The following TMEM266 variants were observed in gnomAD, a reference collection of about 807,000 sequenced individuals.
TMEM266 encodes transmembrane protein 266.
In TMEM266, 33 loss-of-function variants were observed where a neutral mutation model predicts 50.5. The ratio of observed to expected loss-of-function variants is 0.65; its 90% confidence interval spans 0.50 to 0.87. The LOEUF (loss-of-function observed/expected upper bound fraction) is 0.87. Ranked by LOEUF, TMEM266 falls within the 40% of genes least tolerant of loss-of-function variation. The pLI, the probability that TMEM266 is intolerant of heterozygous loss-of-function variation, is 0.00. For synonymous variants in TMEM266, 310 were observed against 292.3 expected (o/e 1.06, Z -0.62); for missense variants, 655 against 695.1 (o/e 0.94, Z 0.65).
intron 1 of TMEM266, among the ~76,000 whole-genome samples, chr15:76,079,560 C>T (rs1482002520): frequency 6.7e-6 from 1 of 149,470 alleles, no homozygotes; most frequent in Non-Finnish European, 1.5e-5. Context: ...GAGGCTGAGG[C>T]GGGCAGATCA....
At chr15:76,198,912 G>A (rs2142089172) in intron 9 of TMEM266, among the ~76,000 whole-genome samples, 1 of 152,398 alleles carries the variant, frequency 6.6e-6, no homozygotes, top group Admixed American at 6.5e-5. Flanking sequence ...CCCTGTGTGG[G>A]TCCAGGTCTG....
At chr15:76,169,944 C>G in intron 6 of TMEM266, 72 bp downstream of exon 6, 1 of 1,503,880 alleles carries the variant, frequency 6.6e-7, no homozygotes, top group Non-Finnish European at 9.2e-7. Flanking sequence ...ATGTCCCATC[C>G]ATTCCAGGGT....
chr15:76,148,923 G>T (rs1014920023), intron 3 of TMEM266, among the ~76,000 whole-genome samples: 2 of 152,180 alleles, frequency 1.3e-5, no homozygotes, highest in African/African-American at 4.8e-5. Context: ...GAAGCTGCCG[G>T]TATGGAAACT....
At chr15:76,142,232 T>C (rs1447145836) in intron 3 of TMEM266, among the ~76,000 whole-genome samples, 1 of 152,110 alleles carries the variant, frequency 6.6e-6, no homozygotes, top group Non-Finnish European at 1.5e-5. Flanking sequence ...CTACTAAAAA[T>C]ACAAAAATTA....
chr15:76,119,199 C>T (rs567035738), intron 1 of TMEM266, among the ~76,000 whole-genome samples: 1 of 152,096 alleles, frequency 6.6e-6, no homozygotes, highest in African/African-American at 2.4e-5. Context: ...TCCTAAAATT[C>T]TTCTCCTTTG....
intron 9 of TMEM266, among the ~76,000 whole-genome samples, chr15:76,201,633 TACTGTGTGCAGGA>T (rs963009305): frequency 1.3e-5 from 2 of 152,208 alleles, no homozygotes; most frequent in African/African-American, 4.8e-5. Context: ...ACTGAGTACC[TACTGTGTGCAGGA>T]ACAGTGCAGG....
At chr15:76,159,297 C>A (rs1464157726) in intron 4 of TMEM266, among the ~76,000 whole-genome samples, 1 of 152,220 alleles carries the variant, frequency 6.6e-6, no homozygotes, top group Non-Finnish European at 1.5e-5. Context: ...CATGCCATGC[C>A]AGGGTTCAAA....
chr15:76,190,785 C>T (rs576662289), intron 8 of TMEM266, among the ~76,000 whole-genome samples: 1 of 152,216 alleles, frequency 6.6e-6, no homozygotes, highest in East Asian at 1.9e-4. Context: ...TCTGACACCC[C>T]AGTTTGAGGG....
chr15:76,131,365 ACT>A (rs1217226182), intron 1 of TMEM266, among the ~76,000 whole-genome samples: 1 of 152,200 alleles, frequency 6.6e-6, no homozygotes, highest in Non-Finnish European at 1.5e-5. Context: ...CAAGAGCGAA[ACT>A]CTGTCTCAAA....
At chr15:76,095,464 C>T (rs574135378) in intron 1 of TMEM266, among the ~76,000 whole-genome samples, 7 of 152,074 alleles carry the variant, frequency 4.6e-5, no homozygotes, top group South Asian at 2.1e-4. Context: ...GGGATGAAGC[C>T]GACTTGATCG....
chr15:76,204,021 G>A lies in TMEM266; in HGVS notation c.1302G>A (p.Gln434=), dbSNP rs751784075. Residue 434 remains glutamine (Q), a synonymous_variant, in exon 11 of 11, where the codon CAG becomes CAA. Transcript: ENST00000388942. ...CCCCGCCGCTGCCATCCCAGCAGCA[G>A]GTGGAGGAGGCCACAGTCCAGGACC... 3 of 1,609,780 alleles carry A rather than the reference G, an allele frequency of 1.9e-6. No individual in the cohort carries two copies. The highest frequency in any genetic ancestry group is 1.7e-5 in the Admixed American group (1 of 59,926).
chr15:76,137,870 C>G lies in TMEM266; in HGVS notation c.202C>G (p.Leu68Val), dbSNP rs764539432. 2.5e-6 allele frequency: 4 copies of G among 1,593,238 alleles called. No homozygotes were observed. Among genetic ancestry groups the G allele is most frequent in the Non-Finnish European group, 3.4e-6 (4 of 1,170,354 alleles). The change falls in exon 3 of 11, where the codon CTG becomes GTG. Residue 68 changes from leucine (L) to valine (V), a missense_variant. Transcript: ENST00000388942. ...GGCGGGCTCGCAGCTCCTGTCAAATCTGGACGAAGATTACCAAAGAGAAGG... is the reference window on the plus strand; with the variant it reads ...GGCGGGCTCGCAGCTCCTGTCAAATGTGGACGAAGATTACCAAAGAGAAGG...
chr15:76,106,831 TTG>T (rs1024614806), intron 1 of TMEM266, among the ~76,000 whole-genome samples: 3 of 152,116 alleles, frequency 2.0e-5, no homozygotes, highest in South Asian at 4.2e-4. Flanking sequence ...CATACTTATT[TTG>T]TGTGTGTGTG....
At chr15:76,142,491 C>T (rs1490905046) in intron 3 of TMEM266, among the ~76,000 whole-genome samples, 4 of 152,170 alleles carry the variant, frequency 2.6e-5, no homozygotes, top group Non-Finnish European at 4.4e-5. Flanking sequence ...TTTGACTTTC[C>T]GAGGAACTGC....
At chr15:76,156,861 C>T in intron 4 of TMEM266, 103 bp downstream of exon 4, 1 of 1,231,440 alleles carries the variant, frequency 8.1e-7, no homozygotes, top group South Asian at 1.4e-5. Flanking sequence ...TGATCTGCCC[C>T]CGCCGATGCT....
At chr15:76,108,504 T>C (rs2037120377) in intron 1 of TMEM266, among the ~76,000 whole-genome samples, 1 of 152,198 alleles carries the variant, frequency 6.6e-6, no homozygotes, top group Non-Finnish European at 1.5e-5. Flanking sequence ...GGGCCTGGGA[T>C]GGGGTCTGAG....
chr15:76,202,829 G>A (rs558648704), intron 10 of TMEM266, among the ~76,000 whole-genome samples: 72 of 152,172 alleles, frequency 4.7e-4, no homozygotes, highest in Middle Eastern at 3.4e-3. Context: ...TTTGAATTTC[G>A]CAGCCCCCAA....
At chr15:76,200,054 G>C (rs79903439) in intron 9 of TMEM266, among the ~76,000 whole-genome samples, 3,162 of 152,230 alleles carry the variant, frequency 0.021, 105 homozygotes, top group African/African-American at 0.073. Flanking sequence ...AGGAGTTGAC[G>C]TCCCTGGAAG....
At chr15:76,194,700 G>A (rs544621140) in intron 9 of TMEM266, among the ~76,000 whole-genome samples, 1 of 152,256 alleles carries the variant, frequency 6.6e-6, no homozygotes, top group South Asian at 2.1e-4. Context: ...GGCATCCATG[G>A]CTTACAGTAG....
Sources: allele counts gnomAD v4.1 joint callset (sites outside exome capture counted in the v4.1 genomes callset), GRCh38; gene constraint gnomAD v4.1.1; transcripts MANE v1.5; gene names NCBI Gene and HGNC (gene_info 2026-07-23, HGNC 2026-07-21).